HEATR4: variants seen among roughly 807,000 people sequenced by gnomAD.
The protein encoded by HEATR4 is HEAT repeat-containing protein 4.
HEATR4 carries 95 observed loss-of-function variants against 108.8 expected under a neutral mutation model. The observed-to-expected ratio is 0.87, with a 90% CI of 0.74 to 1.04. The LOEUF is 1.04. Ranked by LOEUF, HEATR4 falls within the 50% of genes least tolerant of loss-of-function variation. The pLI is 0.00. For missense variants in HEATR4, 1,152 were observed against 1,253.8 expected (o/e 0.92, Z 1.23); for synonymous variants, 443 against 459.4 (o/e 0.96, Z 0.46).
At chr14:73,526,848 G>T (rs2046540613) in intron 2 of HEATR4, among the ~76,000 whole-genome samples, 1 of 152,142 alleles carries the variant, frequency 6.6e-6, no homozygotes, top group African/African-American at 2.4e-5. Flanking sequence ...GGTCTGCAAA[G>T]CTTCAGGTGT....
chr14:73,607,894 G>T, the HEATR4 span, among the ~76,000 whole-genome samples: 1 of 151,876 alleles, frequency 6.6e-6, no homozygotes, highest in Non-Finnish European at 1.5e-5. Context: ...AAAGTGCTGG[G>T]ATTATAGGCA....
At chr14:73,570,764 G>C in the HEATR4 span, among the ~76,000 whole-genome samples, 1 of 151,368 alleles carries the variant, frequency 6.6e-6, no homozygotes, top group Non-Finnish European at 1.5e-5. Flanking sequence ...AATTAGCCAG[G>C]CGTGGTGGTG....
At chr14:73,570,974 CA>C in the HEATR4 span, among the ~76,000 whole-genome samples, 9 of 113,592 alleles carry the variant, frequency 7.9e-5, no homozygotes, top group African/African-American at 1.6e-4. Context: ...ACTAGGAAGC[CA>C]CTTTTTTTTT....
chr14:73,504,668 G>A (rs1458307508), intron 10 of HEATR4, among the ~76,000 whole-genome samples: 2 of 152,196 alleles, frequency 1.3e-5, no homozygotes, highest in African/African-American at 4.8e-5. Flanking sequence ...GGTGATTACT[G>A]TACTGAGTGG....
In HEATR4 at chr14:73,546,119, T is replaced by A. The variant is rs1434785499; in HGVS notation, c.-152+12632A>T. ...GCCTCAGCCTCCCAAGTAGCTGGGATTACAGGCGCCCACCACCACACCCAG... is the reference window on the plus strand; with the variant it reads ...GCCTCAGCCTCCCAAGTAGCTGGGAATACAGGCGCCCACCACCACACCCAG... On this transcript the variant is annotated intron_variant, in intron 1 of 17. Coordinates refer to ENST00000553558, the MANE Select transcript of HEATR4 (RefSeq NM_001220484.1). Among the ~76,000 whole-genome samples the A allele has an allele frequency of 1.8e-5, 2 of 111,670 alleles. 1 individual carries two copies. Among genetic ancestry groups the A allele is most frequent in the Non-Finnish European group, 3.9e-5 (2 of 51,788 alleles). The allele number at this position is 111,670 out of a possible 152,430, so 73.3% of individuals were successfully genotyped here.
intron 9 of HEATR4, among the ~76,000 whole-genome samples, chr14:73,507,628 G>T (rs1886940743): frequency 2.0e-5 from 3 of 151,852 alleles, no homozygotes; most frequent in Admixed American, 2.0e-4. Flanking sequence ...TAGAGACAGG[G>T]TCTCACTATA....
chr14:73,491,540 A>G, intron 17 of HEATR4: 1 of 1,531,906 alleles, frequency 6.5e-7, no homozygotes, highest in Non-Finnish European at 8.7e-7. Flanking sequence ...GGTGGATAAC[A>G]CGGGTGGGGA....
At chr14:73,588,978 C>T in the HEATR4 span, among the ~76,000 whole-genome samples, 6 of 152,026 alleles carry the variant, frequency 3.9e-5, no homozygotes, top group Non-Finnish European at 8.8e-5. Flanking sequence ...AGTGATTACC[C>T]ATATACTCCC....
chr14:73,560,534 G>A (rs1345087622), upstream of HEATR4, among the ~76,000 whole-genome samples: 2 of 151,622 alleles, frequency 1.3e-5, no homozygotes, highest in Admixed American at 6.6e-5. Context: ...GTGGTGGCAG[G>A]CGCCTGTAGT....
At chr14:73,557,921 C>G (rs1290857401) in intron 1 of HEATR4, among the ~76,000 whole-genome samples, 1 of 91,114 alleles carries the variant, frequency 1.1e-5, no homozygotes, top group African/African-American at 3.8e-5. Context: ...TTTCAAACTC[C>G]TGGAATCAAG....
the HEATR4 span, among the ~76,000 whole-genome samples, chr14:73,567,438 C>A: frequency 2.6e-5 from 4 of 152,044 alleles, no homozygotes; most frequent in Admixed American, 1.3e-4. Context: ...CTGTGTCTAG[C>A]TAAAGGTTTG....
At chr14:73,505,542 G>C (rs1337349455) in intron 10 of HEATR4, among the ~76,000 whole-genome samples, 1 of 151,974 alleles carries the variant, frequency 6.6e-6, no homozygotes, top group Non-Finnish European at 1.5e-5. Flanking sequence ...GATTACAGGT[G>C]CCAGCCACCA....
chr14:73,544,072 T>A (rs370645759), intron 1 of HEATR4, among the ~76,000 whole-genome samples: 1 of 114,672 alleles, frequency 8.7e-6, no homozygotes, highest in Middle Eastern at 4.2e-3. Context: ...GTGCGCGGAT[T>A]ACTTGAGGTC....
At chr14:73,567,031 T>C in the HEATR4 span, among the ~76,000 whole-genome samples, 2 of 152,044 alleles carry the variant, frequency 1.3e-5, no homozygotes, top group African/African-American at 4.8e-5. Context: ...ATGGTGTCGA[T>C]CTCCTGACCT....
At chr14:73,529,553 A>G (rs1277022619) in intron 2 of HEATR4, among the ~76,000 whole-genome samples, 2 of 151,970 alleles carry the variant, frequency 1.3e-5, no homozygotes, top group Non-Finnish European at 2.9e-5. Flanking sequence ...AAAATGTAGG[A>G]GTTGGACTAA....
At chr14:73,509,237 G>T in intron 8 of HEATR4, 75 bp downstream of exon 8, 2 of 1,400,134 alleles carry the variant, frequency 1.4e-6, no homozygotes, top group South Asian at 1.2e-5. Flanking sequence ...ACAGTGGAGA[G>T]GAAAGGACTG....
At chr14:73,613,493 G>A in the HEATR4 span, among the ~76,000 whole-genome samples, 5 of 152,180 alleles carry the variant, frequency 3.3e-5, no homozygotes, top group Non-Finnish European at 7.3e-5. Flanking sequence ...AAAATCCACA[G>A]TATTGGCAAT....
chr14:73,513,454 C>T (rs1325733137), intron 6 of HEATR4, among the ~76,000 whole-genome samples: 1 of 136,436 alleles, frequency 7.3e-6, no homozygotes, highest in Non-Finnish European at 1.5e-5. Flanking sequence ...GAGTGAAATT[C>T]CATCTCAGAA....
chr14:73,491,413 G>A (rs1437623222), intron 17 of HEATR4: 10 of 1,349,088 alleles, frequency 7.4e-6, no homozygotes, highest in South Asian at 1.9e-5. Flanking sequence ...CCGCGCGCCT[G>A]GTGGAGGTGC....
Sources: gnomAD v4.1 joint callset for allele counts (sites outside exome capture counted in the v4.1 genomes callset) on GRCh38, gnomAD v4.1.1 for gene constraint, MANE v1.5 for transcripts, NCBI Gene and HGNC (gene_info 2026-07-23, HGNC 2026-07-21) for gene names.